PPARD: variants seen among roughly 807,000 people sequenced by gnomAD.
The protein encoded by PPARD is peroxisome proliferator-activated receptor delta.
Under a neutral mutation model 39.5 loss-of-function variants are expected in PPARD, and 6 were observed. The observed-to-expected ratio is 0.15, with a 90% CI of 0.08 to 0.30. PPARD has a LOEUF of 0.30. PPARD is among the 10% of genes least tolerant of loss of function. The probability of loss-of-function intolerance (pLI) is 1.00; values close to 1 mark genes in which losing one functional copy is unlikely to be tolerated. For missense variants in PPARD, 397 were observed against 596.8 expected (o/e 0.67, Z 3.49); for synonymous variants, 210 against 231.3 (o/e 0.91, Z 0.83).
At chr6:35,357,589 C>T (rs1285403212) in intron 2 of PPARD, among the ~76,000 whole-genome samples, 2 of 151,014 alleles carry the variant, frequency 1.3e-5, no homozygotes, top group African/African-American at 2.4e-5. Flanking sequence ...CAGGCTGGAG[C>T]GCAGTGGTGT....
In PPARD at chr6:35,426,401, C is replaced by G. The variant is rs200148132; in HGVS notation, c.*322C>G. 1 of 413,748 alleles carries G rather than the reference C, an allele frequency of 2.4e-6. No individual in the cohort carries two copies. The highest frequency in any genetic ancestry group is 2.8e-5 in the South Asian group (1 of 36,202). The allele number at this position is 413,748 out of a possible 1,614,324, so 25.6% of individuals were successfully genotyped here. On this transcript the variant is annotated 3_prime_UTR_variant, in exon 8 of 8. Transcript: ENST00000360694. ...GCCCTCCCTTTCTCTCTCCACCCCC[C>G]ACGTCTGTCCTCCTTTCTTATTCTG...
intron 3 of PPARD, among the ~76,000 whole-genome samples, chr6:35,415,551 T>C (rs907733298): frequency 6.6e-6 from 1 of 152,208 alleles, no homozygotes; most frequent in African/African-American, 2.4e-5. Context: ...AGAGGGCTAG[T>C]GTTTACACTG....
Position 35,366,426 on chromosome 6 carries a change from C to T in PPARD, c.-102+19276C>T, listed in dbSNP as rs1342142922. Among the ~76,000 whole-genome samples, 2 of 151,572 alleles carry T rather than the reference C, an allele frequency of 1.3e-5. No individual in the cohort carries two copies. The highest frequency in any genetic ancestry group is 2.9e-5 in the Non-Finnish European group (2 of 68,018). The stretch of plus-strand genomic sequence containing the variant: ...GGAGAATAATGTGATAGTTGCTATA[C>T]AGGACAATTAATCTGATAGCATTTA... On this transcript the variant is annotated intron_variant, in intron 2 of 7. Transcript: ENST00000360694. The surrounding 1 kb of genome is among the most constrained non-coding windows in gnomAD (Gnocchi z 4.6).
At position 35,409,050 on chromosome 6, in the gene PPARD, G is replaced by A. The variant is rs115729591; in HGVS notation, c.-101-1937G>A. Among the ~76,000 whole-genome samples the A allele has an allele frequency of 2.8e-3, 431 of 152,066 alleles. 2 individuals are homozygous for A. Among genetic ancestry groups the A allele is most frequent in the African/African-American group, 9.3e-3 (385 of 41,468 alleles). On this transcript the variant is annotated intron_variant, in intron 2 of 7. Transcript: ENST00000360694. ...CTCAGTCACAAAGCTAGAGGTTTACGTGACCTTTTCCAGGTTTTCCCACTC... is the reference window on the plus strand; with the variant it reads ...CTCAGTCACAAAGCTAGAGGTTTACATGACCTTTTCCAGGTTTTCCCACTC...
chr6:35,399,360 A>G (rs894589432), intron 2 of PPARD, among the ~76,000 whole-genome samples: 27 of 139,522 alleles, frequency 1.9e-4, no homozygotes, highest in African/African-American at 6.6e-4. Flanking sequence ...AGATCGTGCC[A>G]CTATACTCCA....
intron 2 of PPARD, among the ~76,000 whole-genome samples, chr6:35,386,694 C>G (rs16868709): frequency 0.05 from 7,670 of 152,040 alleles, 639 homozygotes; most frequent in African/African-American, 0.17. Flanking sequence ...GTTGATAACC[C>G]TGAAGATGAA....
chr6:35,399,422 A>C (rs1252455583), intron 2 of PPARD, among the ~76,000 whole-genome samples: 1 of 143,636 alleles, frequency 7.0e-6, no homozygotes, highest in Non-Finnish European at 1.5e-5. Context: ...AAAAAAAACA[A>C]AGGCTGGGTG....
intron 2 of PPARD, among the ~76,000 whole-genome samples, chr6:35,404,388 A>C (rs1246009703): frequency 6.6e-6 from 1 of 152,206 alleles, no homozygotes; most frequent in Non-Finnish European, 1.5e-5. Context: ...AAGGGAAGCT[A>C]GTACTATTGT....
intron 2 of PPARD, among the ~76,000 whole-genome samples, chr6:35,392,694 G>A (rs1764083479): frequency 6.6e-6 from 1 of 152,148 alleles, no homozygotes; most frequent in African/African-American, 2.4e-5. Context: ...TTGGGTGGAG[G>A]TTCTTGAGGA....
chr6:35,380,469 T>TTG (rs1581583024), intron 2 of PPARD, among the ~76,000 whole-genome samples: 6 of 102,688 alleles, frequency 5.8e-5, no homozygotes, highest in Non-Finnish European at 6.9e-5. Context: ...GTTTTTTTTT[T>TTG]TTGTTTGTTT....
chr6:35,418,636 G>A (rs1032231308), intron 3 of PPARD, among the ~76,000 whole-genome samples: 1 of 152,194 alleles, frequency 6.6e-6, no homozygotes, highest in Non-Finnish European at 1.5e-5. Flanking sequence ...CCCTCCCAGA[G>A]CACAGCTTTT....
intron 2 of PPARD, among the ~76,000 whole-genome samples, chr6:35,371,249 C>T (rs1762464897): frequency 1.3e-5 from 2 of 152,106 alleles, no homozygotes; most frequent in South Asian, 4.1e-4. Flanking sequence ...AATGTCTGTT[C>T]TCCCATGGCC....
intron 1 of PPARD, among the ~76,000 whole-genome samples, chr6:35,344,541 G>A (rs1792054806): frequency 6.6e-6 from 1 of 152,038 alleles, no homozygotes; most frequent in Admixed American, 6.6e-5. Context: ...CTCTAAAGAA[G>A]TATTCAAGAA....
Position 35,396,612 on chromosome 6 carries a change from T to C in PPARD, c.-101-14375T>C, listed in dbSNP as rs572050323. ...TTGGGAGGCCGAGGCGGGCAGATCATGAGGTCAGGAGACAGAGACCATCCT... is the reference window on the plus strand; with the variant it reads ...TTGGGAGGCCGAGGCGGGCAGATCACGAGGTCAGGAGACAGAGACCATCCT... On this transcript the variant is annotated intron_variant, in intron 2 of 7. Transcript: ENST00000360694. 1.6e-4 allele frequency among the ~76,000 whole-genome samples: 24 copies of C among 148,938 alleles called. No homozygotes were observed. The South Asian group carries it at 4.9e-3, about 31-fold the overall frequency.
chr6:35,422,051 C>T, intron 5 of PPARD, 93 bp downstream of exon 5: 1 of 1,421,204 alleles, frequency 7.0e-7, no homozygotes, highest in Non-Finnish European at 9.3e-7. Flanking sequence ...AGAGGGGGCA[C>T]CTGTAGAGCA....
chr6:35,381,928 T>C (rs1763176407), intron 2 of PPARD, among the ~76,000 whole-genome samples: 1 of 152,168 alleles, frequency 6.6e-6, no homozygotes, highest in African/African-American at 2.4e-5. Flanking sequence ...GTACACAGGA[T>C]GGGTGAGGAA....
chr6:35,348,519 G>T, intron 2 of PPARD: 1 of 985,396 alleles, frequency 1.0e-6, no homozygotes, highest in Non-Finnish European at 1.2e-6. Flanking sequence ...GGTTGTTGTG[G>T]GTCCCTGCTG....
At chr6:35,392,788 A>G (rs1220237186) in intron 2 of PPARD, among the ~76,000 whole-genome samples, 1 of 152,150 alleles carries the variant, frequency 6.6e-6, no homozygotes, top group African/African-American at 2.4e-5. Flanking sequence ...GTGACCCACC[A>G]GCAGCCCACC....
chr6:35,355,833 G>A (rs188462866), intron 2 of PPARD, among the ~76,000 whole-genome samples: 333 of 151,484 alleles, frequency 2.2e-3, no homozygotes, highest in African/African-American at 6.4e-3. Context: ...GGATGGTCTC[G>A]ATCTCCTGAC....
Sources: allele counts gnomAD v4.1 joint callset (sites outside exome capture counted in the v4.1 genomes callset), GRCh38; gene constraint gnomAD v4.1.1; non-coding constraint Gnocchi (gnomAD v3.1); transcripts MANE v1.5; gene names NCBI Gene and HGNC (gene_info 2026-07-23, HGNC 2026-07-21).